Variants in PPP1R2 observed in about 807,000 individuals in gnomAD.
PPP1R2 encodes protein phosphatase inhibitor 2.
A neutral mutation model predicts 29.9 loss-of-function variants in PPP1R2; 16 were observed. The observed-to-expected ratio is 0.53, with a 90% CI of 0.36 to 0.81. The LOEUF is 0.81. Among genes scored for constraint, PPP1R2 ranks in the 30% least tolerant of loss-of-function variants. The pLI, the probability that PPP1R2 is intolerant of heterozygous loss-of-function variation, is 0.00. For synonymous variants in PPP1R2, 76 were observed against 91.5 expected (o/e 0.83, Z 0.96); for missense variants, 197 against 252.7 (o/e 0.78, Z 1.49).
intron 1 of PPP1R2, among the ~76,000 whole-genome samples, chr3:195,533,214 T>C (rs1719252366): frequency 6.6e-6 from 1 of 152,026 alleles, no homozygotes; most frequent in African/African-American, 2.4e-5. Context: ...GCATGGTGGC[T>C]TGCGCTTGTA....
At chr3:195,536,251 G>C (rs780002547) in intron 1 of PPP1R2, among the ~76,000 whole-genome samples, 17 of 144,780 alleles carry the variant, frequency 1.2e-4, no homozygotes, top group Non-Finnish European at 2.1e-4. Flanking sequence ...CTGAGCCCAG[G>C]AGTTTGAGAT....
chr3:195,537,969 T>C (rs1719458018), intron 1 of PPP1R2, among the ~76,000 whole-genome samples: 1 of 152,240 alleles, frequency 6.6e-6, no homozygotes, highest in Non-Finnish European at 1.5e-5. Context: ...TCTAAAGTGA[T>C]GGCAGAATTA....
At chr3:195,523,944 C>T (rs781333394) in intron 3 of PPP1R2, among the ~76,000 whole-genome samples, 158 bp from the exon 4 acceptor site, 7 of 152,024 alleles carry the variant, frequency 4.6e-5, no homozygotes, top group Admixed American at 6.6e-5. Flanking sequence ...AGAAACGTGC[C>T]GGGCATGGTG....
intron 1 of PPP1R2, among the ~76,000 whole-genome samples, chr3:195,538,739 C>T (rs1324264001): frequency 6.6e-6 from 1 of 151,728 alleles, no homozygotes; most frequent in Non-Finnish European, 1.5e-5. Context: ...GTAAAAACCC[C>T]GCTGAGATAT....
At position 195,522,346 on chromosome 3, in the gene PPP1R2, A is replaced by G. The variant is rs576321263; in HGVS notation, c.403+1346T>C. ...CCTAAGCTATCTACTGTCAATAGAC[A>G]ACAATTTTTCAGCCACGTAACATCT... On this transcript the variant is annotated intron_variant, in intron 4 of 5. Coordinates refer to ENST00000618156, the MANE Select transcript of PPP1R2 (RefSeq NM_006241.8). Among the ~76,000 whole-genome samples, 104 of 152,326 alleles carry G rather than the reference A, an allele frequency of 6.8e-4. No individual in the cohort carries two copies. The South Asian group carries it at 0.021, about 30-fold the overall frequency.
chr3:195,528,667 TA>T (rs1223971690), intron 2 of PPP1R2: 2 of 151,544 alleles, frequency 1.3e-5, no homozygotes, highest in Admixed American at 6.6e-5. Flanking sequence ...GGAAATCTTT[TA>T]TTTTTTTCAA....
At chr3:195,542,578 G>A (rs1027005230) in intron 1 of PPP1R2, among the ~76,000 whole-genome samples, 1 of 152,176 alleles carries the variant, frequency 6.6e-6, no homozygotes, top group African/African-American at 2.4e-5. Flanking sequence ...ATACCTCAGA[G>A]ATGAGGTTAA....
rs1313239218 is a variant in PPP1R2, at chr3:195,516,316, T to G, written c.*580A>C. 1 of 152,568 alleles carries G rather than the reference T, an allele frequency of 6.6e-6. No individual in the cohort carries two copies. Among genetic ancestry groups the G allele is most frequent in the Non-Finnish European group, 1.5e-5 (1 of 67,998 alleles). The allele number at this position is 152,568 out of a possible 1,614,324, so 9.5% of individuals were successfully genotyped here. A position where few individuals can be genotyped will look rare whatever the true frequency, so the allele number is the denominator to read the frequency against. On this transcript the variant is annotated 3_prime_UTR_variant, in exon 6 of 6. Transcript: ENST00000618156. The stretch of plus-strand genomic sequence containing the variant: ...TTTTGATGAGAAAAAGTTCAGTCCT[T>G]TCCTTGTAAACACAAAGAAACTCAA...
chr3:195,535,000 G>A (rs945954126), intron 1 of PPP1R2, among the ~76,000 whole-genome samples: 3 of 152,126 alleles, frequency 2.0e-5, no homozygotes, highest in East Asian at 3.8e-4. Flanking sequence ...CCTCTAGATC[G>A]GGGGTCACAG....
chr3:195,532,443 G>A (rs977390537), intron 1 of PPP1R2, among the ~76,000 whole-genome samples: 1 of 152,020 alleles, frequency 6.6e-6, no homozygotes. Flanking sequence ...ACACTCTTCT[G>A]GGACTGAACT....
At chr3:195,539,177 T>C (rs1016236496) in intron 1 of PPP1R2, among the ~76,000 whole-genome samples, 1 of 152,224 alleles carries the variant, frequency 6.6e-6, no homozygotes, top group South Asian at 2.1e-4. Context: ...GATACACATA[T>C]GTACTCACTA....
At chr3:195,522,910 T>A (rs533750608) in intron 4 of PPP1R2, among the ~76,000 whole-genome samples, 1 of 152,252 alleles carries the variant, frequency 6.6e-6, no homozygotes, top group Admixed American at 6.5e-5. Context: ...TTTGTGAGTA[T>A]GTGCTTTTCT....
At position 195,524,873 on chromosome 3, in the gene PPP1R2, G is replaced by C. The variant is rs754379463; in HGVS notation, c.254C>G (p.Ala85Gly). Residue 85 changes from alanine (A) to glycine (G), a missense_variant, in exon 3 of 6, where the codon GCC becomes GGC. Physicochemically the swap from Ala to Gly is moderately conservative, Grantham distance 60. This residue lies in a region of PPP1R2 where 135 missense variants were observed against 163.0 expected (regional missense o/e 0.83). Coordinates refer to ENST00000618156, the MANE Select transcript of PPP1R2 (RefSeq NM_006241.8). Reference sequence around the variant, plus strand: ...TTCAGTGGCCTCGGTGTCACTACAGGCATCTTCATCATCCCCCATCATACT... The same window carrying C: ...TTCAGTGGCCTCGGTGTCACTACAGCCATCTTCATCATCCCCCATCATACT... The part of the protein sequence containing the change: ...YHSMMGDDED[A>G]CSDTEATEAM... The C allele has an allele frequency of 6.2e-7, 1 of 1,613,996 alleles. No individual in the cohort carries two copies. The highest frequency in any genetic ancestry group is 8.5e-7 in the Non-Finnish European group (1 of 1,179,972).
At chr3:195,524,725 C>T (rs2108942580) in intron 3 of PPP1R2, 94 bp downstream of exon 3, 1 of 1,173,558 alleles carries the variant, frequency 8.5e-7, no homozygotes, top group Non-Finnish European at 1.2e-6. Context: ...GCCTTTTCTT[C>T]CCGCTCATAC....
chr3:195,540,121 A>G (rs192707028), intron 1 of PPP1R2, among the ~76,000 whole-genome samples: 69 of 152,314 alleles, frequency 4.5e-4, no homozygotes, highest in Middle Eastern at 3.4e-3. Context: ...CCTACTTGCT[A>G]AAATGTGTAA....
At chr3:195,538,939 A>G (rs1719491096) in intron 1 of PPP1R2, among the ~76,000 whole-genome samples, 1 of 152,258 alleles carries the variant, frequency 6.6e-6, no homozygotes. Context: ...ATTCAAACCC[A>G]GGCAATCTGG....
intron 4 of PPP1R2, 85 bp from the exon 5 acceptor site, chr3:195,519,270 A>T: frequency 9.9e-7 from 1 of 1,010,968 alleles, no homozygotes; most frequent in Non-Finnish European, 1.4e-6. Flanking sequence ...TTATTGAAAC[A>T]GTGATGCTCA....
Position 195,524,903 on chromosome 3 carries a change from T to C in PPP1R2, c.231-7A>G, listed in dbSNP as rs1460478817. 3 of 1,612,708 alleles carry C rather than the reference T, an allele frequency of 1.9e-6. No homozygotes were observed. Among genetic ancestry groups the C allele is most frequent in the African/African-American group, 1.3e-5 (1 of 74,870 alleles). Reference sequence around the variant, plus strand: ...TTCATCATCCCCCATCATACTAGTATGACAAGCACATTGTAATTAATACCT... The same window carrying C: ...TTCATCATCCCCCATCATACTAGTACGACAAGCACATTGTAATTAATACCT... On this transcript the variant is annotated splice_polypyrimidine_tract_variant and splice_region_variant and intron_variant, in intron 2 of 5. Transcript: ENST00000618156.
chr3:195,525,612 C>G lies in PPP1R2; in HGVS notation c.231-716G>C, dbSNP rs562883317. ...TAGAGACAAAAGATCTACGCAGACA[C>G]AAGACTGAGTAAAGTAACAAAATTC... is the stretch of plus-strand genomic sequence containing the variant. On this transcript the variant is annotated intron_variant, in intron 2 of 5. Transcript: ENST00000618156. 7.9e-5 allele frequency among the ~76,000 whole-genome samples: 12 copies of G among 152,236 alleles called. No homozygotes were observed. The East Asian group carries it at 2.3e-3, about 29-fold the overall frequency.
Sources: gnomAD v4.1 joint callset for allele counts (sites outside exome capture counted in the v4.1 genomes callset) on GRCh38, gnomAD v4.1.1 for gene constraint, gnomAD v4.1.1 regional missense constraint, MANE v1.5 for transcripts, NCBI Gene and HGNC (gene_info 2026-07-23, HGNC 2026-07-21) for gene names.